The following BABAM2 variants were observed in gnomAD, a reference collection of about 807,000 sequenced individuals.
BABAM2 encodes the protein BRISC and BRCA1 A complex member 2.
A neutral mutation model predicts 54.7 loss-of-function variants in BABAM2; 31 were observed. The observed-to-expected ratio is 0.57, with a 90% CI of 0.43 to 0.77. The LOEUF (loss-of-function observed/expected upper bound fraction) is 0.77. Ranked by LOEUF, BABAM2 falls within the 30% of genes least tolerant of loss-of-function variation. The probability of loss-of-function intolerance (pLI) is 0.00; values close to 1 mark genes in which losing one functional copy is unlikely to be tolerated. For missense variants in BABAM2, 364 were observed against 455.8 expected, an observed-to-expected ratio of 0.80 and a Z score of 1.83; for synonymous variants, 167 against 162.9, an observed-to-expected ratio of 1.03 and a Z score of -0.19.
intron 10 of BABAM2, among the ~76,000 whole-genome samples, chr2:28,286,282 AG>A (rs1686803228): frequency 6.6e-6 from 1 of 152,092 alleles, no homozygotes; most frequent in African/African-American, 2.4e-5. Flanking sequence ...TACTTTCCAA[AG>A]CATTCTCCAT....
chr2:27,936,298 A>G (rs903560352), intron 3 of BABAM2, among the ~76,000 whole-genome samples: 1 of 152,192 alleles, frequency 6.6e-6, no homozygotes, highest in African/African-American at 2.4e-5. Flanking sequence ...TCAGGAAACA[A>G]CAGGTGCTGG....
chr2:28,254,887 C>A (rs1192887791), intron 10 of BABAM2, among the ~76,000 whole-genome samples: 1 of 151,804 alleles, frequency 6.6e-6, no homozygotes, highest in Non-Finnish European at 1.5e-5. Flanking sequence ...ACACACACCA[C>A]CATGCCAGCT....
At chr2:28,142,018 C>A (rs967633197) in intron 7 of BABAM2, among the ~76,000 whole-genome samples, 1 of 152,080 alleles carries the variant, frequency 6.6e-6, no homozygotes, top group Non-Finnish European at 1.5e-5. Flanking sequence ...GACTAAGGCT[C>A]TTAAATGTGT....
At chr2:27,899,554 C>A (rs1025555353) in intron 2 of BABAM2, among the ~76,000 whole-genome samples, 1 of 151,822 alleles carries the variant, frequency 6.6e-6, no homozygotes. Context: ...GGCTCCTCAA[C>A]CTCTGCCTTC....
chr2:28,328,750 G>A (rs879789418), intron 11 of BABAM2, among the ~76,000 whole-genome samples: 3 of 152,272 alleles, frequency 2.0e-5, no homozygotes, highest in Non-Finnish European at 2.9e-5. Context: ...AACTTGCTAA[G>A]CTTCTGTTTT....
chr2:28,198,137 C>T lies in BABAM2; in HGVS notation c.681-39065C>T, dbSNP rs185503179. ...GGGGTAGAAGGGAGAAAAAGCTCTC[C>T]GCTGAAAATTCACTACCACAGGACA... On this transcript the variant is annotated intron_variant, in intron 7 of 11. Coordinates refer to ENST00000379624, the MANE Select transcript of BABAM2 (RefSeq NM_199191.3). 2.7e-3 allele frequency among the ~76,000 whole-genome samples: 402 copies of T among 151,208 alleles called. 3 individuals carry two copies. The Middle Eastern group carries it at 0.031, about 12-fold the overall frequency.
chr2:28,191,940 A>G (rs191620914), intron 7 of BABAM2, among the ~76,000 whole-genome samples: 2 of 152,344 alleles, frequency 1.3e-5, no homozygotes, highest in African/African-American at 4.8e-5. Flanking sequence ...GATTGCCTAC[A>G]TGGCCATTTT....
chr2:28,036,496 T>C (rs1339195522), intron 5 of BABAM2, among the ~76,000 whole-genome samples: 1 of 152,192 alleles, frequency 6.6e-6, no homozygotes, highest in Non-Finnish European at 1.5e-5. Flanking sequence ...AATTTGGAGT[T>C]AGTACTGAGG....
intron 7 of BABAM2, among the ~76,000 whole-genome samples, chr2:28,230,969 G>A (rs941786490): frequency 6.6e-6 from 1 of 152,160 alleles, no homozygotes; most frequent in South Asian, 2.1e-4. Flanking sequence ...GTAGGGATTA[G>A]ACTTTTAAAA....
At chr2:27,962,014 G>A (rs1670510000) in intron 3 of BABAM2, among the ~76,000 whole-genome samples, 1 of 152,008 alleles carries the variant, frequency 6.6e-6, no homozygotes, top group African/African-American at 2.4e-5. Flanking sequence ...ACAGGCGTGT[G>A]CTACCATGCC....
At chr2:27,941,449 A>C (rs768859639) in intron 3 of BABAM2, among the ~76,000 whole-genome samples, 3 of 151,906 alleles carry the variant, frequency 2.0e-5, no homozygotes, top group African/African-American at 7.3e-5. Context: ...CTAGCTTCTC[A>C]GGAGGCTCAG....
chr2:28,060,702 A>C (rs552151967), intron 6 of BABAM2, among the ~76,000 whole-genome samples: 9 of 152,310 alleles, frequency 5.9e-5, no homozygotes, highest in Admixed American at 3.9e-4. Context: ...CAAGTAATTA[A>C]AATTTGATAT....
At position 28,026,905 on chromosome 2, in the gene BABAM2, TAA is replaced by T. The variant is rs1167272752; in HGVS notation, c.495+1487_495+1488del. Reference sequence around the variant, plus strand: ...ATATATAGATATATATAAATATATATAAATATATATTAATATATATAAATATA... The same window carrying T: ...ATATATAGATATATATAAATATATATATATATATTAATATATATAAATATA... On this transcript the variant is annotated intron_variant, in intron 5 of 11. Coordinates refer to ENST00000379624, the MANE Select transcript of BABAM2 (RefSeq NM_199191.3). Among the ~76,000 whole-genome samples, 10 of 54,492 alleles carry T rather than the reference TAA, an allele frequency of 1.8e-4. 1 individual carries two copies. The highest frequency in any genetic ancestry group is 4.5e-4 in the African/African-American group (7 of 15,552). The allele number at this position is 54,492 out of a possible 152,430, so 35.7% of individuals were successfully genotyped here.
At chr2:27,903,916 T>G (rs1430770470) in intron 2 of BABAM2, among the ~76,000 whole-genome samples, 1 of 152,164 alleles carries the variant, frequency 6.6e-6, no homozygotes, top group Non-Finnish European at 1.5e-5. Flanking sequence ...AGGAAGCACT[T>G]TATGGCTTGT....
chr2:28,126,593 G>A (rs13419974), intron 6 of BABAM2, among the ~76,000 whole-genome samples: 28,867 of 135,084 alleles, frequency 0.21, 3,036 homozygotes, highest in South Asian at 0.43. Context: ...GAATAGTGCC[G>A]CAATAAACAT....
intron 3 of BABAM2, among the ~76,000 whole-genome samples, chr2:27,938,123 G>A (rs934524470): frequency 2.6e-5 from 4 of 152,050 alleles, no homozygotes; most frequent in Admixed American, 1.3e-4. Flanking sequence ...GTAGAAGCGT[G>A]GTTTTATTTC....
rs112333108 is a variant in BABAM2, at chr2:28,325,496, T to A, written c.1089-12954T>A. Among the ~76,000 whole-genome samples the A allele has an allele frequency of 0.015, 2,239 of 152,318 alleles. 62 individuals carry two copies. Among genetic ancestry groups the A allele is most frequent in the African/African-American group, 0.051 (2,125 of 41,554 alleles). On this transcript the variant is annotated intron_variant, in intron 11 of 11. Coordinates refer to ENST00000379624, the MANE Select transcript of BABAM2 (RefSeq NM_199191.3). The surrounding 1 kb of genome is among the most constrained non-coding windows in gnomAD (Gnocchi z 4.3). ...CACCTGAAGTTCCTGTTGTGAGAAT[T>A]ACTCTTGTTACCAAAGGCCATTGTC... is the stretch of plus-strand genomic sequence containing the variant.
intron 11 of BABAM2, among the ~76,000 whole-genome samples, chr2:28,321,932 A>G (rs1276667121): frequency 1.3e-5 from 2 of 151,706 alleles, no homozygotes; most frequent in Non-Finnish European, 1.5e-5. Flanking sequence ...TTATTCTGAT[A>G]AAGTGAGTTT....
At chr2:28,054,076 A>T (rs1051445277) in intron 6 of BABAM2, among the ~76,000 whole-genome samples, 6 of 152,126 alleles carry the variant, frequency 3.9e-5, no homozygotes, top group African/African-American at 7.2e-5. Flanking sequence ...CCGTTTTTTT[A>T]AATCCAGCCC....
Sources: allele counts gnomAD v4.1 joint callset (sites outside exome capture counted in the v4.1 genomes callset), GRCh38; gene constraint gnomAD v4.1.1; non-coding constraint Gnocchi (gnomAD v3.1); transcripts MANE v1.5; gene names NCBI Gene and HGNC (gene_info 2026-07-23, HGNC 2026-07-21).